The following ADORA2B variants were observed in gnomAD, a reference collection of about 807,000 sequenced individuals.
ADORA2B encodes the protein adenosine A2b receptor.
In ADORA2B, 18 loss-of-function variants were observed where a neutral mutation model predicts 20.8. The observed-to-expected ratio is 0.87, with a 90% confidence interval of 0.60 to 1.29. The LOEUF is 1.29. ADORA2B is among the 50% of genes most tolerant of loss of function. The probability of loss-of-function intolerance (pLI) is 0.00; values close to 1 mark genes in which losing one functional copy is unlikely to be tolerated. For missense variants in ADORA2B, 441 were observed against 422.7 expected, an observed-to-expected ratio of 1.04 and a Z score of -0.38; for synonymous variants, 179 against 178.3, an observed-to-expected ratio of 1.00 and a Z score of -0.03.
rs1014951543 is a variant in ADORA2B at position 15,947,045 on chromosome 17, G to A, written c.335+1462G>A. 1.1e-3 allele frequency among the ~76,000 whole-genome samples: 170 copies of A among 152,302 alleles called. 1 individual carries two copies. Among genetic ancestry groups the A allele is most frequent in the Non-Finnish European group, 1.5e-4 (10 of 68,030 alleles). On this transcript the variant is annotated intron_variant, in intron 1 of 1. Transcript: ENST00000304222. ...GCAGGAACAGGAGCCTCCTGCTTGGGAGGGCTGTGAGCCTTATGTGGGTGT... is the reference window on the plus strand; with the variant it reads ...GCAGGAACAGGAGCCTCCTGCTTGGAAGGGCTGTGAGCCTTATGTGGGTGT...
chr17:15,887,951 CAAAAAAAAAAAAAA>C, the ADORA2B span, among the ~76,000 whole-genome samples: 17 of 22,228 alleles, frequency 7.6e-4, no homozygotes, highest in South Asian at 4.3e-3. Context: ...AAGACTCCAT[CAAAAAAAAAAAAAA>C]AAAAAAAAAA....
chr17:15,905,803 G>A, the ADORA2B span, among the ~76,000 whole-genome samples: 2 of 152,086 alleles, frequency 1.3e-5, no homozygotes, highest in South Asian at 2.1e-4. Context: ...CTATAGGGAC[G>A]TGCCCCCATG....
At chr17:15,884,537 C>T in the ADORA2B span, among the ~76,000 whole-genome samples, 1 of 152,144 alleles carries the variant, frequency 6.6e-6, no homozygotes, top group Non-Finnish European at 1.5e-5. Context: ...ATAAGCCCAG[C>T]ATCCATTAGC....
At chr17:15,934,794 TAA>T in the ADORA2B span, among the ~76,000 whole-genome samples, 1 of 152,174 alleles carries the variant, frequency 6.6e-6, no homozygotes, top group African/African-American at 2.4e-5. Flanking sequence ...TCTTTTGTAT[TAA>T]TTAATTTATT....
chr17:15,934,474 T>A, the ADORA2B span, among the ~76,000 whole-genome samples: 1 of 152,142 alleles, frequency 6.6e-6, no homozygotes, highest in Non-Finnish European at 1.5e-5. Flanking sequence ...TCTGCCCACC[T>A]TGGCCTCCCA....
At chr17:15,850,528 A>C in the ADORA2B span, 1 of 155,692 alleles carries the variant, frequency 6.4e-6, no homozygotes, top group East Asian at 1.9e-4. Context: ...TGCTATTTTG[A>C]ACTGGAACAA....
At chr17:15,956,959 T>TG (rs1969973949) in intron 1 of ADORA2B, among the ~76,000 whole-genome samples, 1 of 152,190 alleles carries the variant, frequency 6.6e-6, no homozygotes, top group South Asian at 2.1e-4. Flanking sequence ...AGGTGGAACT[T>TG]GGAATGCCAA....
chr17:15,918,597 G>A, the ADORA2B span, among the ~76,000 whole-genome samples: 1 of 152,068 alleles, frequency 6.6e-6, no homozygotes, highest in African/African-American at 2.4e-5. Flanking sequence ...TCAGCCTGTC[G>A]AGTAGCTGGG....
chr17:15,912,080 G>A, the ADORA2B span, among the ~76,000 whole-genome samples: 1 of 152,124 alleles, frequency 6.6e-6, no homozygotes, highest in Non-Finnish European at 1.5e-5. Flanking sequence ...GGGTGTGGTG[G>A]CAGGGGCCTG....
chr17:15,863,962 A>G, the ADORA2B span: 3 of 153,602 alleles, frequency 2.0e-5, no homozygotes, highest in African/African-American at 4.8e-5. Context: ...TAAACCAGAC[A>G]TTTGCTTTTC....
intron 1 of ADORA2B, 102 bp downstream of exon 1, chr17:15,945,685 C>T: frequency 1.7e-6 from 2 of 1,182,658 alleles, no homozygotes; most frequent in Non-Finnish European, 2.3e-6. Context: ...CCAGACGGGC[C>T]AGGCTGGGGG....
chr17:15,939,685 T>C, the ADORA2B span, among the ~76,000 whole-genome samples: 2 of 151,722 alleles, frequency 1.3e-5, no homozygotes, highest in South Asian at 4.2e-4. Flanking sequence ...CATGAAACCC[T>C]GTCTCTACTA....
chr17:15,925,533 G>A, the ADORA2B span, among the ~76,000 whole-genome samples: 1 of 152,178 alleles, frequency 6.6e-6, no homozygotes, highest in Non-Finnish European at 1.5e-5. Context: ...TTTTAAGCAT[G>A]CTTCATTGTT....
At chr17:15,968,471 G>A (rs1360064903) in intron 1 of ADORA2B, among the ~76,000 whole-genome samples, 1 of 152,178 alleles carries the variant, frequency 6.6e-6, no homozygotes. Context: ...GTCTGGTTAT[G>A]TCCTCCAGCA....
intron 1 of ADORA2B, among the ~76,000 whole-genome samples, chr17:15,968,748 C>T (rs1228660916): frequency 6.6e-6 from 1 of 152,188 alleles, no homozygotes; most frequent in African/African-American, 2.4e-5. Context: ...GCCTTGGCTT[C>T]CACGTCTGTA....
Position 15,964,856 on chromosome 17 carries a change from T to G in ADORA2B, c.336-9823T>G, listed in dbSNP as rs561679718. Among the ~76,000 whole-genome samples the G allele has an allele frequency of 4.6e-5, 7 of 151,690 alleles. No homozygotes were observed. In the Middle Eastern group the frequency reaches 0.01, roughly 223 times the overall value. On this transcript the variant is annotated intron_variant, in intron 1 of 1. Coordinates refer to ENST00000304222, the MANE Select transcript of ADORA2B (RefSeq NM_000676.4). The stretch of plus-strand genomic sequence containing the variant: ...GTGGGCGAATCACGAGGTCAGGAGA[T>G]CGAGACCATCCTGGCTAACACGGTG...
chr17:15,956,590 CTTTTTTTTT>C (rs11290214), intron 1 of ADORA2B, among the ~76,000 whole-genome samples: 1 of 51,442 alleles, frequency 1.9e-5, no homozygotes, highest in East Asian at 6.6e-4. Context: ...TTATGTGTGT[CTTTTTTTTT>C]TTTTTTTTTT....
the ADORA2B span, among the ~76,000 whole-genome samples, chr17:15,936,239 T>C: frequency 1.3e-5 from 2 of 152,102 alleles, no homozygotes; most frequent in African/African-American, 4.8e-5. Flanking sequence ...CATTTCCATC[T>C]CTTTTTTTGA....
At chr17:15,902,631 T>C in the ADORA2B span, among the ~76,000 whole-genome samples, 1 of 152,236 alleles carries the variant, frequency 6.6e-6, no homozygotes, top group African/African-American at 2.4e-5. Flanking sequence ...CCTTTTTCTC[T>C]TCCATCTGAT....
Sources: allele counts gnomAD v4.1 joint callset (sites outside exome capture counted in the v4.1 genomes callset), GRCh38; gene constraint gnomAD v4.1.1; transcripts MANE v1.5; gene names NCBI Gene and HGNC (gene_info 2026-07-23, HGNC 2026-07-21).